ANKHD1: variants seen among roughly 807,000 people sequenced by gnomAD.
The protein encoded by ANKHD1 is ankyrin repeat and KH domain-containing protein 1.
In ANKHD1, 31 loss-of-function variants were observed where a neutral mutation model predicts 230.5. The ratio of observed to expected loss-of-function variants is 0.13; its 90% CI spans 0.10 to 0.18. ANKHD1 has a LOEUF of 0.18. ANKHD1 is among the 10% of genes least tolerant of loss of function. ANKHD1 has a pLI of 1.00. For missense variants in ANKHD1, 2,256 were observed against 3,071.3 expected (o/e 0.73, Z 6.27); for synonymous variants, 1,074 against 1,117.6 (o/e 0.96, Z 0.78).
rs1264346261 is a variant in ANKHD1, at chr5:140,497,159, G to A, written c.2885G>A (p.Gly962Glu). ...GTATCAGGTAATCAGCAGATTGTAG[G>A]ACAGCCTCAGATTGCTATTACTGGA... ...QKVSGNQQIV[G>E]QPQIAITGHD... Residue 962 changes from glycine to glutamate, a missense_variant, in exon 15 of 34, where the codon GGA (glycine) becomes GAA (glutamate). Gly to Glu is a moderately conservative substitution (Grantham distance 98). This residue lies in a region of ANKHD1 where 358 missense variants were observed against 397.7 expected (regional missense o/e 0.90). Transcript: ENST00000360839. 6.2e-7 allele frequency: 1 copy of A among 1,614,052 alleles called. No homozygotes were observed. Among genetic ancestry groups the A allele is most frequent in the Non-Finnish European group, 8.5e-7 (1 of 1,180,024 alleles).
intron 10 of ANKHD1, among the ~76,000 whole-genome samples, chr5:140,466,258 G>A (rs979642758): frequency 1.3e-5 from 2 of 152,126 alleles, no homozygotes; most frequent in Non-Finnish European, 2.9e-5. Context: ...GGGTGTGGTG[G>A]CACATGCCTG....
chr5:140,458,167 G>C (rs1775358606), intron 7 of ANKHD1, among the ~76,000 whole-genome samples: 1 of 152,068 alleles, frequency 6.6e-6, no homozygotes. Context: ...GTTATTTTTT[G>C]CCATGCCTTT....
At chr5:140,491,654 A>G (rs575145480) in intron 14 of ANKHD1, among the ~76,000 whole-genome samples, 1 of 152,198 alleles carries the variant, frequency 6.6e-6, no homozygotes, top group East Asian at 1.9e-4. Context: ...AGTGACGAAT[A>G]TCCTGATTGC....
At chr5:140,531,190 T>C in intron 29 of ANKHD1, 4 of 301,300 alleles carry the variant, frequency 1.3e-5, no homozygotes, top group South Asian at 7.6e-5. Flanking sequence ...GGGCCTAGGA[T>C]TAATAATCTT....
At chr5:140,435,950 C>A (rs1244465167) in intron 1 of ANKHD1, among the ~76,000 whole-genome samples, 154 bp from the exon 2 acceptor site, 1 of 152,148 alleles carries the variant, frequency 6.6e-6, no homozygotes, top group Non-Finnish European at 1.5e-5. Context: ...GTCACAATGT[C>A]CTTCAAAGTC....
intron 1 of ANKHD1, among the ~76,000 whole-genome samples, chr5:140,425,001 T>G (rs1270334655): frequency 6.6e-6 from 1 of 152,246 alleles, no homozygotes; most frequent in East Asian, 1.9e-4. Context: ...ATTTTATTAA[T>G]GGTAGCCTAT....
intron 21 of ANKHD1, 44 bp from the exon 22 acceptor site, chr5:140,509,975 C>T (rs1159051511): frequency 1.3e-6 from 2 of 1,557,772 alleles, no homozygotes; most frequent in Non-Finnish European, 1.7e-6. Context: ...AAAAAGCCAG[C>T]CTCTTCTTAC....
At position 140,496,605 on chromosome 5, in the gene ANKHD1, C is replaced by T. The variant is rs762483294; in HGVS notation, c.2331C>T (p.Cys777=). The part of the protein sequence containing the change: ...PSFHPYQPLE[C]IVEETEGKLN... ...TTCACCCATACCAGCCTTTGGAGTG[C>T]ATAGTAGAGGAGACTGAAGGCAAGC... The change falls in exon 15 of 34, where the codon TGC becomes TGT. Residue 777 remains cysteine (C), a synonymous_variant. Coordinates refer to ENST00000360839, the MANE Select transcript of ANKHD1 (RefSeq NM_017747.3). 2.2e-5 allele frequency: 36 copies of T among 1,613,220 alleles called. No homozygotes were observed. Among genetic ancestry groups the T allele is most frequent in the Non-Finnish European group, 3.1e-5 (36 of 1,179,918 alleles).
chr5:140,483,049 C>T (rs1426490216), intron 11 of ANKHD1, among the ~76,000 whole-genome samples: 3 of 152,122 alleles, frequency 2.0e-5, no homozygotes, highest in Non-Finnish European at 4.4e-5. Flanking sequence ...GTTGAATTAA[C>T]TGAGTTTGTA....
Position 140,445,812 on chromosome 5 carries a change from T to C in ANKHD1, c.984T>C (p.Gly328=), listed in dbSNP as rs1774239096. 1.9e-6 allele frequency: 3 copies of C among 1,613,660 alleles called. No individual in the cohort carries two copies. Among genetic ancestry groups the C allele is most frequent in the East Asian group, 2.2e-5 (1 of 44,850 alleles). The part of the protein sequence containing the change: ...VDIVKVLLNE[G]ANIEDHNENG... ...TTGTTAAAGTGCTCCTTAATGAAGG[T>C]GCAAATATAGAAGATCATAATGAAA... The change falls in exon 6 of 34, where the codon GGT becomes GGC. Residue 328 remains glycine (G), a synonymous_variant. Coordinates refer to ENST00000360839, the MANE Select transcript of ANKHD1 (RefSeq NM_017747.3).
chr5:140,493,214 A>T lies in ANKHD1; in HGVS notation c.2246-3306A>T, dbSNP rs115619035. Among the ~76,000 whole-genome samples the T allele has an allele frequency of 1.9e-3, 292 of 152,226 alleles. 2 individuals are homozygous for T. Among genetic ancestry groups the T allele is most frequent in the African/African-American group, 6.1e-3 (255 of 41,526 alleles). On this transcript the variant is annotated intron_variant, in intron 14 of 33. Transcript: ENST00000360839. ...GTAGCTGGGATTACAAGCATGCGCC[A>T]CCACACCGGGCTAGCTAATTTTACA...
At chr5:140,493,114 T>G (rs753374139) in intron 14 of ANKHD1, among the ~76,000 whole-genome samples, 90 of 152,268 alleles carry the variant, frequency 5.9e-4, no homozygotes, top group Non-Finnish European at 9.7e-4. Flanking sequence ...CAGGCTGGAG[T>G]GCATTGGCAC....
chr5:140,446,584 C>A (rs1267513633), intron 6 of ANKHD1, among the ~76,000 whole-genome samples: 1 of 152,102 alleles, frequency 6.6e-6, no homozygotes, highest in Admixed American at 6.5e-5. Context: ...TGGTCTTGAA[C>A]TCCTGACCTC....
intron 1 of ANKHD1, among the ~76,000 whole-genome samples, chr5:140,412,148 T>C (rs1404064850): frequency 6.6e-6 from 1 of 152,144 alleles, no homozygotes; most frequent in East Asian, 1.9e-4. Context: ...GCAATTCTCC[T>C]GCCTTAGCCT....
chr5:140,443,661 C>T (rs1046571821), intron 5 of ANKHD1, among the ~76,000 whole-genome samples: 7 of 143,984 alleles, frequency 4.9e-5, no homozygotes, highest in Non-Finnish European at 9.0e-5. Context: ...GCCTGGGCGA[C>T]AGAGCGAGAC....
intron 14 of ANKHD1, among the ~76,000 whole-genome samples, chr5:140,491,117 C>G (rs1195153573): frequency 1.1e-5 from 1 of 92,866 alleles, no homozygotes; most frequent in Non-Finnish European, 2.1e-5. Context: ...TACACACACA[C>G]ACATATATAT....
rs1214320235 is a variant in ANKHD1 at position 140,507,043 on chromosome 5, C to G, written c.3551+66C>G. 7 of 1,583,246 alleles carry G rather than the reference C, an allele frequency of 4.4e-6. No individual in the cohort carries two copies. The Admixed American group carries it at 7.4e-5, about 17-fold the overall frequency. ...CTACTTTGGACTTAAATGTCTACCT[C>G]TTAACGTTTAGACAGATACATTTTA... On this transcript the variant is annotated intron_variant, in intron 19 of 33. Transcript: ENST00000360839. The surrounding 1 kb of genome is among the most constrained non-coding windows in gnomAD (Gnocchi z 4.1).
Position 140,528,463 on chromosome 5 carries a change from A to G in ANKHD1, c.5517A>G (p.Val1839=), listed in dbSNP as rs1753692481. ...NKLNKNVPTN[V]RSSFPVSLPL... The stretch of plus-strand genomic sequence containing the variant: ...TTAATAAGAATGTTCCAACAAATGT[A>G]CGTTCTTCTTTCCCAGTTTCTCTAC... The change falls in exon 29 of 34, where the codon GTA becomes GTG. Residue 1839 remains valine, a synonymous_variant. Coordinates refer to ENST00000360839, the MANE Select transcript of ANKHD1 (RefSeq NM_017747.3). The G allele has an allele frequency of 3.7e-6, 6 of 1,614,166 alleles. No homozygotes were observed. In the African/African-American group the frequency reaches 8.0e-5, roughly 22 times the overall value.
chr5:140,479,517 T>C (rs1561782153), intron 10 of ANKHD1, among the ~76,000 whole-genome samples: 1 of 151,956 alleles, frequency 6.6e-6, no homozygotes, highest in African/African-American at 2.4e-5. Flanking sequence ...TGTATACAAA[T>C]TTGATTACCA....
Sources: allele counts gnomAD v4.1 joint callset (sites outside exome capture counted in the v4.1 genomes callset), GRCh38; gene constraint gnomAD v4.1.1; regional missense constraint gnomAD v4.1.1; non-coding constraint Gnocchi (gnomAD v3.1); transcripts MANE v1.5; gene names NCBI Gene and HGNC (gene_info 2026-07-23, HGNC 2026-07-21).